The following ARSB variants were observed in gnomAD, a reference collection of about 807,000 sequenced individuals.
The protein encoded by ARSB is arylsulfatase B, also known as N-acetylgalactosamine-4-sulfatase.
A neutral mutation model predicts 50.9 loss-of-function variants in ARSB; 41 were observed. The ratio of observed to expected loss-of-function variants is 0.81; its 90% CI spans 0.63 to 1.04. The LOEUF (loss-of-function observed/expected upper bound fraction) is 1.04. ARSB is among the 50% of genes least tolerant of loss of function. The pLI, the probability that ARSB is intolerant of heterozygous loss-of-function variation, is 0.00. For missense variants in ARSB, 672 were observed against 693.3 expected (o/e 0.97, Z 0.35); for synonymous variants, 269 against 284.8 (o/e 0.94, Z 0.56).
At chr5:78,853,841 G>T (rs975043690) in intron 5 of ARSB, among the ~76,000 whole-genome samples, 3 of 152,230 alleles carry the variant, frequency 2.0e-5, no homozygotes, top group Non-Finnish European at 2.9e-5. Flanking sequence ...GCGAAACTCT[G>T]TGGGCATAGG....
At chr5:78,966,258 C>A (rs921944) in intron 2 of ARSB, among the ~76,000 whole-genome samples, 40,331 of 152,182 alleles carry the variant, frequency 0.27, 6,655 homozygotes, top group African/African-American at 0.47. Context: ...TAATACCAAG[C>A]AACCATGTGA....
intron 4 of ARSB, among the ~76,000 whole-genome samples, chr5:78,925,913 A>G (rs1268323958): frequency 1.3e-5 from 2 of 152,048 alleles, no homozygotes; most frequent in East Asian, 3.8e-4. Context: ...AATAATAACA[A>G]CCCTCTTTTT....
At chr5:78,928,424 T>C (rs1004141527) in intron 4 of ARSB, among the ~76,000 whole-genome samples, 18 of 142,526 alleles carry the variant, frequency 1.3e-4, no homozygotes, top group Non-Finnish European at 1.1e-4. Context: ...CAAGCGATTC[T>C]CCTGCCTCAG....
At chr5:78,826,497 A>C (rs1744438253) in intron 6 of ARSB, among the ~76,000 whole-genome samples, 2 of 152,246 alleles carry the variant, frequency 1.3e-5, no homozygotes, top group African/African-American at 4.8e-5. Context: ...AGGATGATAA[A>C]TAAATATTTA....
At chr5:78,933,362 C>G (rs1157231446) in intron 4 of ARSB, among the ~76,000 whole-genome samples, 1 of 152,178 alleles carries the variant, frequency 6.6e-6, no homozygotes, top group African/African-American at 2.4e-5. Flanking sequence ...CTAGAGCCAG[C>G]TCCCGCTCAA....
At chr5:78,943,502 G>A (rs1184361715) in intron 4 of ARSB, among the ~76,000 whole-genome samples, 2 of 152,192 alleles carry the variant, frequency 1.3e-5, no homozygotes, top group African/African-American at 4.8e-5. Flanking sequence ...GCATTTGCTT[G>A]TCTGTAAAGT....
In ARSB at chr5:78,794,320, T is replaced by C. The variant is rs557315009; in HGVS notation, c.1214-12346A>G. On this transcript the variant is annotated intron_variant, in intron 6 of 7. Coordinates refer to ENST00000264914, the MANE Select transcript of ARSB (RefSeq NM_000046.5). ...AGGGCAATTCTAATTCATATATCATTTTGGAAAAAAAAACACACAGAATGA... is the reference window on the plus strand; with the variant it reads ...AGGGCAATTCTAATTCATATATCATCTTGGAAAAAAAAACACACAGAATGA... Among the ~76,000 whole-genome samples the C allele has an allele frequency of 2.2e-3, 333 of 152,070 alleles. 1 individual carries two copies. The highest frequency in any genetic ancestry group is 4.0e-3 in the Non-Finnish European group (272 of 67,974).
At chr5:78,883,001 C>T (rs547433542) in intron 5 of ARSB, 2 of 152,158 alleles carry the variant, frequency 1.3e-5, no homozygotes, top group African/African-American at 4.8e-5. Flanking sequence ...CCAGGCTGGT[C>T]TTGAACTCCT....
intron 6 of ARSB, chr5:78,816,000 G>T: frequency 6.4e-7 from 1 of 1,558,006 alleles, no homozygotes. Flanking sequence ...AGCCACCCGA[G>T]GCCTTGAGGG....
chr5:78,840,049 A>G (rs1745131421), intron 5 of ARSB, among the ~76,000 whole-genome samples: 1 of 152,186 alleles, frequency 6.6e-6, no homozygotes, highest in Non-Finnish European at 1.5e-5. Flanking sequence ...TCTTCTTACA[A>G]ATGATGAAGG....
At chr5:78,823,252 T>C (rs1744306195) in intron 6 of ARSB, among the ~76,000 whole-genome samples, 1 of 152,194 alleles carries the variant, frequency 6.6e-6, no homozygotes, top group African/African-American at 2.4e-5. Context: ...GGCAAGATGC[T>C]CTGTGTCCCT....
At chr5:78,975,162 G>A (rs1442954874) in intron 1 of ARSB, among the ~76,000 whole-genome samples, 1 of 152,192 alleles carries the variant, frequency 6.6e-6, no homozygotes, top group Non-Finnish European at 1.5e-5. Flanking sequence ...AGGGAGAGGC[G>A]ACCACTGGCA....
chr5:78,807,846 C>A (rs1743624512), intron 6 of ARSB, among the ~76,000 whole-genome samples: 1 of 152,056 alleles, frequency 6.6e-6, no homozygotes, highest in Non-Finnish European at 1.5e-5. Context: ...GTAATCCCAG[C>A]ACTTTGGGAG....
chr5:78,932,410 G>GAAC (rs1177562177), intron 4 of ARSB, among the ~76,000 whole-genome samples: 6 of 152,320 alleles, frequency 3.9e-5, no homozygotes, highest in African/African-American at 1.4e-4. Context: ...ATAAGTGGTT[G>GAAC]CACTTAGCCT....
At chr5:78,797,614 T>C (rs1025000243) in intron 6 of ARSB, among the ~76,000 whole-genome samples, 1 of 152,202 alleles carries the variant, frequency 6.6e-6, no homozygotes, top group Non-Finnish European at 1.5e-5. Flanking sequence ...CCATGGACAA[T>C]AGCTTACCTA....
At chr5:78,903,252 G>A (rs549952658) in intron 4 of ARSB, among the ~76,000 whole-genome samples, 9 of 152,220 alleles carry the variant, frequency 5.9e-5, no homozygotes, top group Admixed American at 1.3e-4. Flanking sequence ...TGAGAGGTGC[G>A]TTAAAGAAAA....
chr5:78,905,345 T>TTTTTTTTG (rs1491290576), intron 4 of ARSB, among the ~76,000 whole-genome samples: 1 of 20,614 alleles, frequency 4.9e-5, no homozygotes, highest in East Asian at 9.3e-3. Context: ...TATTTTCCTG[T>TTTTTTTTG]TTTTTTTTTT....
intron 4 of ARSB, among the ~76,000 whole-genome samples, chr5:78,937,258 TATATATATCTTAC>T (rs1309946836): frequency 6.8e-6 from 1 of 147,700 alleles, no homozygotes; most frequent in Admixed American, 6.8e-5. Context: ...AAGTTCGATA[TATATATATCTTAC>T]ATATATATGT....
rs766638362 is a variant in ARSB, at chr5:78,985,047, G to T, written c.202C>A (p.Arg68Ser). Reference protein sequence around the residue: ...NDVGFHGSRIRTPHLDALAAG... With the variant: ...NDVGFHGSRISTPHLDALAAG... ...GCCAGCGCGTCCAGGTGCGGCGTGC[G>T]GATGCGGGAGCCGTGGAAGCCGACG... Residue 68 changes from arginine (R) to serine (S), a missense_variant, in exon 1 of 8, where the codon CGC (arginine) becomes AGC (serine). Physicochemically the swap from Arg to Ser is moderately radical, Grantham distance 110. Coordinates refer to ENST00000264914, the MANE Select transcript of ARSB (RefSeq NM_000046.5). 2 of 1,541,994 alleles carry T rather than the reference G, an allele frequency of 1.3e-6. No homozygotes were observed. Among genetic ancestry groups the T allele is most frequent in the Non-Finnish European group, 8.7e-7 (1 of 1,146,114 alleles).
Sources: allele counts gnomAD v4.1 joint callset (sites outside exome capture counted in the v4.1 genomes callset), GRCh38; gene constraint gnomAD v4.1.1; transcripts MANE v1.5; gene names NCBI Gene and HGNC (gene_info 2026-07-23, HGNC 2026-07-21).